SDK1: variants seen among roughly 807,000 people sequenced by gnomAD.
The protein encoded by SDK1 is sidekick cell adhesion molecule 1, also known as protein sidekick-1.
A neutral mutation model predicts 245.5 loss-of-function variants in SDK1; 157 were observed. The observed-to-expected ratio is 0.64, with a 90% CI of 0.56 to 0.73. The LOEUF (loss-of-function observed/expected upper bound fraction) is 0.73. Ranked by LOEUF, SDK1 falls within the 30% of genes least tolerant of loss-of-function variation. The pLI, the probability that SDK1 is intolerant of heterozygous loss-of-function variation, is 0.00. For synonymous variants in SDK1, 1,647 were observed against 1,278.5 expected, an observed-to-expected ratio of 1.29 and a Z score of -6.15; for missense variants, 3,583 against 3,002.3, an observed-to-expected ratio of 1.19 and a Z score of -4.52.
In SDK1 at chr7:3,519,552, A is replaced by G. The variant is rs145837501; in HGVS notation, c.299-99528A>G. Among the ~76,000 whole-genome samples the G allele has an allele frequency of 2.3e-3, 350 of 149,966 alleles. 1 individual carries two copies. The highest frequency in any genetic ancestry group is 8.3e-3 in the African/African-American group (338 of 40,610). ...TTGGGCATGATTTAAAGCATTTGAC[A>G]TACATGTACTTACCTAACTCATTGA... On this transcript the variant is annotated intron_variant, in intron 1 of 44. Transcript: ENST00000404826.
intron 28 of SDK1, among the ~76,000 whole-genome samples, chr7:4,140,461 C>T (rs1779509467): frequency 6.6e-6 from 1 of 152,200 alleles, no homozygotes; most frequent in South Asian, 2.1e-4. Context: ...TGCAGTTTCC[C>T]CCACTCTGTG....
chr7:4,110,816 A>C, intron 23 of SDK1, 44 bp downstream of exon 23: 1 of 1,397,060 alleles, frequency 7.2e-7, no homozygotes, highest in Non-Finnish European at 1.0e-6. Flanking sequence ...AAACACTGGC[A>C]GCCCAGGCAG....
At chr7:3,926,783 C>A (rs1779787014) in intron 5 of SDK1, among the ~76,000 whole-genome samples, 1 of 152,244 alleles carries the variant, frequency 6.6e-6, no homozygotes, top group East Asian at 1.9e-4. Context: ...GCTGTGGCAT[C>A]TGCAGACCTG....
intron 1 of SDK1, among the ~76,000 whole-genome samples, chr7:3,592,494 C>T (rs1780909699): frequency 6.6e-6 from 1 of 152,202 alleles, no homozygotes; most frequent in South Asian, 2.1e-4. Context: ...TCTACCTCCT[C>T]GTCATTCTTG....
At chr7:3,642,610 T>A (rs1782687201) in intron 4 of SDK1, among the ~76,000 whole-genome samples, 1 of 152,240 alleles carries the variant, frequency 6.6e-6, no homozygotes, top group South Asian at 2.1e-4. Context: ...CTTCATCTAA[T>A]TAGTGGTTCA....
intron 4 of SDK1, among the ~76,000 whole-genome samples, chr7:3,803,777 C>G (rs796235587): frequency 6.2e-4 from 72 of 115,414 alleles, no homozygotes; most frequent in African/African-American, 2.4e-3. Flanking sequence ...GAGACAGAGT[C>G]TGGCCTGTTG....
intron 1 of SDK1, among the ~76,000 whole-genome samples, chr7:3,490,978 C>T (rs1583940844): frequency 6.6e-6 from 1 of 152,204 alleles, no homozygotes; most frequent in Admixed American, 6.5e-5. Context: ...AATGGTGATA[C>T]AGCTACCGTC....
chr7:4,074,972 G>A (rs1366149383), intron 20 of SDK1, among the ~76,000 whole-genome samples: 1 of 146,988 alleles, frequency 6.8e-6, no homozygotes, highest in Non-Finnish European at 1.5e-5. Context: ...AAAAATGAGT[G>A]GTTGGCCTGG....
chr7:4,146,866 CTG>C (rs1223703277), intron 29 of SDK1, among the ~76,000 whole-genome samples: 8 of 152,226 alleles, frequency 5.3e-5, no homozygotes, highest in Admixed American at 1.3e-4. Context: ...ACAGAGGAAA[CTG>C]AGAGAGTTTT....
chr7:3,988,274 C>T (rs898811392), intron 14 of SDK1, among the ~76,000 whole-genome samples: 2 of 151,644 alleles, frequency 1.3e-5, no homozygotes, highest in African/African-American at 4.9e-5. Context: ...GCCCCCACCT[C>T]CACACCCCCT....
At chr7:4,169,993 T>C (rs1327246720) in intron 32 of SDK1, among the ~76,000 whole-genome samples, 3 of 152,238 alleles carry the variant, frequency 2.0e-5, no homozygotes, top group Admixed American at 6.5e-5. Flanking sequence ...CTCCTCTTTC[T>C]GAAATCCAGA....
At chr7:3,654,844 A>G (rs920540755) in intron 4 of SDK1, among the ~76,000 whole-genome samples, 2 of 152,218 alleles carry the variant, frequency 1.3e-5, no homozygotes, top group African/African-American at 4.8e-5. Flanking sequence ...AAAATACTTC[A>G]TTTCACATGA....
chr7:4,024,643 G>A (rs1339577052), intron 17 of SDK1, among the ~76,000 whole-genome samples: 3 of 152,074 alleles, frequency 2.0e-5, no homozygotes, highest in East Asian at 3.9e-4. Context: ...CATCCCTGGG[G>A]GTCACATAAG....
At position 4,139,679 on chromosome 7, in the gene SDK1, G is replaced by GTGTGTGTATA. The variant is rs1779419037; in HGVS notation, c.4229-6036_4229-6035insATATGTGTGT. Among the ~76,000 whole-genome samples, 21 of 25,898 alleles carry GTGTGTGTATA rather than the reference G, an allele frequency of 8.1e-4. 1 individual carries two copies. The highest frequency in any genetic ancestry group is 5.2e-3 in the African/African-American group (15 of 2,878). The allele number at this position is 25,898 out of a possible 152,430, so 17.0% of individuals were successfully genotyped here. Reference sequence around the variant, plus strand: ...TGTGTGTATATGTGTGTGTGTATATGTGTGTGTGTGTATGTGTGTGTGTGT... The same window carrying GTGTGTGTATA: ...TGTGTGTATATGTGTGTGTGTATATGTGTGTGTATATGTGTGTGTGTATGTGTGTGTGTGT... On this transcript the variant is annotated intron_variant, in intron 28 of 44. Transcript: ENST00000404826.
intron 1 of SDK1, among the ~76,000 whole-genome samples, chr7:3,400,661 G>T (rs935609479): frequency 6.6e-6 from 1 of 152,150 alleles, no homozygotes; most frequent in African/African-American, 2.4e-5. Flanking sequence ...GGATGGGAGT[G>T]GGGGTTACCT....
intron 1 of SDK1, among the ~76,000 whole-genome samples, chr7:3,432,124 A>AAT (rs1554270423): frequency 0.018 from 2,687 of 146,846 alleles, 57 homozygotes; most frequent in African/African-American, 0.048. Context: ...AAAAAAAAAA[A>AAT]ATATATATAT....
intron 1 of SDK1, among the ~76,000 whole-genome samples, chr7:3,575,963 C>A (rs1039948253): frequency 1.3e-5 from 2 of 151,884 alleles, no homozygotes; most frequent in Non-Finnish European, 2.9e-5. Context: ...AGCCAGGTCA[C>A]CAGTGATTGA....
intron 8 of SDK1, among the ~76,000 whole-genome samples, chr7:3,959,578 C>T (rs987867825): frequency 6.6e-6 from 1 of 152,180 alleles, no homozygotes; most frequent in African/African-American, 2.4e-5. Flanking sequence ...CCACCCCACA[C>T]CCTTGTGAGT....
At chr7:3,758,508 T>A (rs1378092741) in intron 4 of SDK1, among the ~76,000 whole-genome samples, 1 of 152,254 alleles carries the variant, frequency 6.6e-6, no homozygotes, top group African/African-American at 2.4e-5. Flanking sequence ...TGCGAAACTG[T>A]AATTATTTTT....
Sources: gnomAD v4.1 joint callset for allele counts (sites outside exome capture counted in the v4.1 genomes callset) on GRCh38, gnomAD v4.1.1 for gene constraint, MANE v1.5 for transcripts, NCBI Gene and HGNC (gene_info 2026-07-23, HGNC 2026-07-21) for gene names.